The following TBC1D32 variants were observed in gnomAD, a reference collection of about 807,000 sequenced individuals.
TBC1D32 encodes protein broad-minded.
In TBC1D32, 151 loss-of-function variants were observed where a neutral mutation model predicts 170.3. That is an observed-to-expected ratio of 0.89 (90% CI 0.78 to 1.01). TBC1D32 has a LOEUF of 1.01. Among genes scored for constraint, TBC1D32 ranks in the 50% least tolerant of loss-of-function variants. The pLI is 0.00. For synonymous variants in TBC1D32, 498 were observed against 488.0 expected (o/e 1.02, Z -0.27); for missense variants, 1,464 against 1,457.1 (o/e 1.00, Z -0.08).
chr6:121,201,753 G>A (rs11759795), intron 22 of TBC1D32, among the ~76,000 whole-genome samples: 59,687 of 150,562 alleles, frequency 0.4, 15,172 homozygotes, highest in Non-Finnish European at 0.57. Flanking sequence ...CTTTCTGTCT[G>A]TATATGTACA....
intron 26 of TBC1D32, among the ~76,000 whole-genome samples, chr6:121,120,679 A>G (rs956038298): frequency 2.4e-4 from 36 of 152,006 alleles, no homozygotes; most frequent in Admixed American, 2.3e-3. Flanking sequence ...CTATGCCTCA[A>G]TTTCCTCATT....
At position 121,263,222 on chromosome 6, in the gene TBC1D32, A is replaced by AGC. The variant is rs966126828; in HGVS notation, c.1734-6938_1734-6937insGC. ...AATATACACATAGGCTCAAAAAACAAAACAAAAAAAAGATAGAGGTAAATC... is the reference window on the plus strand; with the variant it reads ...AATATACACATAGGCTCAAAAAACAAGCAACAAAAAAAAGATAGAGGTAAATC... On this transcript the variant is annotated intron_variant, in intron 15 of 31. Transcript: ENST00000398212. Among the ~76,000 whole-genome samples, 53 of 109,760 alleles carry AGC rather than the reference A, an allele frequency of 4.8e-4. No individual in the cohort carries two copies. The East Asian group carries it at 0.014, about 30-fold the overall frequency. 72.0% of individuals were successfully genotyped at this position (109,760 alleles called of 152,430 possible).
intron 20 of TBC1D32, among the ~76,000 whole-genome samples, chr6:121,223,772 A>C (rs2128329813): frequency 6.6e-6 from 1 of 152,288 alleles, no homozygotes; most frequent in Non-Finnish European, 1.5e-5. Context: ...CCATGAGGCT[A>C]TCTTTTAACT....
In TBC1D32 at chr6:121,252,642, C is replaced by T. The variant is rs560497228; in HGVS notation, c.2018+2686G>A. 5.5e-4 allele frequency among the ~76,000 whole-genome samples: 84 copies of T among 152,164 alleles called. 1 individual carries two copies. Among genetic ancestry groups the T allele is most frequent in the Middle Eastern group, 3.4e-3 (1 of 294 alleles). ...TATGCAGGAATTACAACCTAGATGACGGGTTGATGGGTGCAGCAAACCACC... is the reference window on the plus strand; with the variant it reads ...TATGCAGGAATTACAACCTAGATGATGGGTTGATGGGTGCAGCAAACCACC... On this transcript the variant is annotated intron_variant, in intron 17 of 31. Coordinates refer to ENST00000398212, the MANE Select transcript of TBC1D32 (RefSeq NM_152730.6).
At chr6:121,136,434 G>C (rs1782084371) in intron 24 of TBC1D32, among the ~76,000 whole-genome samples, 1 of 152,174 alleles carries the variant, frequency 6.6e-6, no homozygotes, top group Admixed American at 6.6e-5. Flanking sequence ...AGTGTCTATA[G>C]ACATTTCTGA....
At chr6:121,334,554 G>T, upstream of TBC1D32, 1 of 1,204,190 alleles carries the variant, frequency 8.3e-7, no homozygotes, top group South Asian at 1.6e-5. Context: ...GGGATACCGC[G>T]GCGAGCGCCT....
intron 9 of TBC1D32, 44 bp downstream of exon 9, chr6:121,303,572 AT>A: frequency 7.2e-7 from 1 of 1,390,168 alleles, no homozygotes. Flanking sequence ...TTAAAATGAT[AT>A]AGCAATGCAC....
At chr6:121,230,046 A>G (rs957793498) in intron 20 of TBC1D32, among the ~76,000 whole-genome samples, 1 of 152,032 alleles carries the variant, frequency 6.6e-6, no homozygotes, top group Non-Finnish European at 1.5e-5. Flanking sequence ...AGACATGTGG[A>G]ACTATGAGTC....
At chr6:121,239,270 T>A (rs1331802358) in intron 19 of TBC1D32, 82 bp from the exon 20 acceptor site, 6 of 780,542 alleles carry the variant, frequency 7.7e-6, no homozygotes, top group Non-Finnish European at 1.1e-5. Context: ...ATCCCTCTGA[T>A]GAATCTGGTC....
intron 25 of TBC1D32, 47 bp downstream of exon 25, chr6:121,131,579 TA>T: frequency 1.3e-6 from 2 of 1,563,410 alleles, no homozygotes; most frequent in Non-Finnish European, 1.7e-6. Flanking sequence ...ATTCTATTAA[TA>T]TAATTTTCAT....
intron 4 of TBC1D32, 95 bp from the exon 5 acceptor site, chr6:121,308,196 T>C: frequency 8.4e-7 from 1 of 1,193,712 alleles, no homozygotes; most frequent in African/African-American, 1.6e-5. Flanking sequence ...AAAGGTAAAG[T>C]CTGGATAATT....
intron 22 of TBC1D32, among the ~76,000 whole-genome samples, chr6:121,169,068 T>A (rs909051792): frequency 2.0e-4 from 31 of 152,078 alleles, no homozygotes; most frequent in South Asian, 1.5e-3. Context: ...AAAAAAAATA[T>A]TTTAAAATTC....
chr6:121,198,706 C>T (rs1791154181), intron 22 of TBC1D32, among the ~76,000 whole-genome samples: 1 of 150,982 alleles, frequency 6.6e-6, no homozygotes, highest in East Asian at 1.9e-4. Flanking sequence ...AGCCGAGATC[C>T]CGCCACTGCA....
At chr6:121,162,175 T>C (rs1257210601) in intron 22 of TBC1D32, among the ~76,000 whole-genome samples, 1 of 152,230 alleles carries the variant, frequency 6.6e-6, no homozygotes, top group Admixed American at 6.5e-5. Flanking sequence ...TTTATTTTGT[T>C]GTACAGAAGC....
intron 31 of TBC1D32, among the ~76,000 whole-genome samples, chr6:121,089,431 C>T (rs757706392): frequency 1.3e-4 from 20 of 152,104 alleles, no homozygotes; most frequent in Non-Finnish European, 2.4e-4. Context: ...TCTGAAATTC[C>T]TATAACTGAC....
At chr6:121,238,252 G>A (rs1796552132) in intron 20 of TBC1D32, among the ~76,000 whole-genome samples, 1 of 151,984 alleles carries the variant, frequency 6.6e-6, no homozygotes, top group South Asian at 2.1e-4. Context: ...TCTACCTTAA[G>A]CAAAAATCTG....
chr6:121,183,913 T>C (rs1177322650), intron 22 of TBC1D32, among the ~76,000 whole-genome samples: 2 of 152,052 alleles, frequency 1.3e-5, no homozygotes, highest in Admixed American at 1.3e-4. Context: ...ATACACACTA[T>C]GTGCTTCAGG....
intron 15 of TBC1D32, among the ~76,000 whole-genome samples, chr6:121,275,264 A>G (rs1003981773): frequency 4.6e-5 from 7 of 152,234 alleles, no homozygotes; most frequent in Non-Finnish European, 1.0e-4. Context: ...ACATTACTTG[A>G]TAATATAAAC....
In TBC1D32 at chr6:121,208,091, A is replaced by AC. The variant is rs1318581568; in HGVS notation, c.2482-2929dup. On this transcript the variant is annotated intron_variant, in intron 21 of 31. Coordinates refer to ENST00000398212, the MANE Select transcript of TBC1D32 (RefSeq NM_152730.6). ...TGGGGTTTTAGAGAGTTAAATGGTG[A>AC]CCCCTCACACACACACCAAAAAAAA... 2.0e-5 allele frequency among the ~76,000 whole-genome samples: 3 copies of AC among 148,264 alleles called. No individual in the cohort carries two copies. In the Admixed American group the frequency reaches 2.0e-4, roughly 10 times the overall value.
Sources: gnomAD v4.1 joint callset for allele counts (sites outside exome capture counted in the v4.1 genomes callset) on GRCh38, gnomAD v4.1.1 for gene constraint, MANE v1.5 for transcripts, NCBI Gene and HGNC (gene_info 2026-07-23, HGNC 2026-07-21) for gene names.